The following FRMD6 variants were observed in gnomAD, a reference collection of about 807,000 sequenced individuals.
The protein encoded by FRMD6 is FERM domain containing 6.
A neutral mutation model predicts 73.2 loss-of-function variants in FRMD6; 37 were observed. That is an observed-to-expected ratio of 0.51 (90% CI 0.39 to 0.66). The LOEUF (loss-of-function observed/expected upper bound fraction) is 0.66, where lower values mean the gene tolerates loss of function less well. Ranked by LOEUF, FRMD6 falls within the 30% of genes least tolerant of loss-of-function variation. FRMD6 has a pLI of 0.00. For synonymous variants in FRMD6, 273 were observed against 282.2 expected, an observed-to-expected ratio of 0.97 and a Z score of 0.33; for missense variants, 714 against 780.5, an observed-to-expected ratio of 0.91 and a Z score of 1.02.
chr14:51,723,652 G>A (rs1897762636), intron 12 of FRMD6, among the ~76,000 whole-genome samples: 1 of 151,704 alleles, frequency 6.6e-6, no homozygotes, highest in Non-Finnish European at 1.5e-5. Context: ...CTGCAGGCCT[G>A]TAATCCCAGC....
chr14:51,542,934 C>A (rs1022341830), intron 1 of FRMD6, among the ~76,000 whole-genome samples: 20 of 152,076 alleles, frequency 1.3e-4, no homozygotes, highest in African/African-American at 4.8e-4. Context: ...AAAATTCTAT[C>A]CAGGCCCTGT....
At chr14:51,499,420 T>G (rs1427644704) in intron 1 of FRMD6, among the ~76,000 whole-genome samples, 2 of 152,250 alleles carry the variant, frequency 1.3e-5, no homozygotes, top group Admixed American at 1.3e-4. Flanking sequence ...GGCTAACACT[T>G]ATTCAGAACT....
At chr14:51,723,772 C>CA (rs71443192) in intron 12 of FRMD6, among the ~76,000 whole-genome samples, 42,299 of 138,488 alleles carry the variant, frequency 0.31, 6,855 homozygotes, top group African/African-American at 0.46. Flanking sequence ...GAGACTCTGT[C>CA]AAAAAAAAAA....
the FRMD6 span, among the ~76,000 whole-genome samples, chr14:51,472,115 A>T: frequency 2.4e-4 from 36 of 152,182 alleles, no homozygotes; most frequent in African/African-American, 8.4e-4. Flanking sequence ...TAAATTAAGA[A>T]TATGCATATA....
chr14:51,693,665 T>G (rs1369539474), intron 2 of FRMD6, among the ~76,000 whole-genome samples: 2 of 152,168 alleles, frequency 1.3e-5, no homozygotes, highest in East Asian at 3.8e-4. Flanking sequence ...GAGTGTCAGT[T>G]TACTTTTTAG....
the FRMD6 span, among the ~76,000 whole-genome samples, chr14:51,400,666 T>G: frequency 2.0e-5 from 3 of 152,054 alleles, no homozygotes; most frequent in African/African-American, 4.8e-5. Flanking sequence ...CATAAACAGG[T>G]TTGGGAACAA....
At chr14:51,573,254 C>G (rs905935557) in intron 2 of FRMD6, among the ~76,000 whole-genome samples, 2 of 152,126 alleles carry the variant, frequency 1.3e-5, no homozygotes, top group African/African-American at 4.8e-5. Flanking sequence ...TTGCTGGGTC[C>G]CATAACTAGC....
At chr14:51,611,752 T>C (rs905406871) in intron 2 of FRMD6, among the ~76,000 whole-genome samples, 14 of 152,234 alleles carry the variant, frequency 9.2e-5, no homozygotes, top group South Asian at 6.2e-4. Context: ...GAACTGTTAA[T>C]GCTGTCATAC....
intron 1 of FRMD6, among the ~76,000 whole-genome samples, chr14:51,507,379 A>G (rs1426783037): frequency 6.6e-6 from 1 of 151,782 alleles, no homozygotes; most frequent in African/African-American, 2.4e-5. Flanking sequence ...GTGCTTCCAG[A>G]TCATTCCCCA....
intron 2 of FRMD6, among the ~76,000 whole-genome samples, chr14:51,578,005 G>A (rs1475981544): frequency 6.6e-6 from 1 of 152,078 alleles, no homozygotes; most frequent in African/African-American, 2.4e-5. Context: ...GTTCAGGCAC[G>A]TAAAACACTC....
intron 2 of FRMD6, among the ~76,000 whole-genome samples, chr14:51,611,202 C>A (rs763350706): frequency 6.6e-6 from 1 of 152,034 alleles, no homozygotes; most frequent in Non-Finnish European, 1.5e-5. Context: ...AAGGAAAACA[C>A]GAATGGGAAA....
At chr14:51,644,168 T>C (rs1891943599) in intron 2 of FRMD6, among the ~76,000 whole-genome samples, 1 of 152,108 alleles carries the variant, frequency 6.6e-6, no homozygotes, top group African/African-American at 2.4e-5. Context: ...ACATTGACAC[T>C]TGAAAAAAAT....
chr14:51,456,812 T>C, the FRMD6 span, among the ~76,000 whole-genome samples: 1 of 152,190 alleles, frequency 6.6e-6, no homozygotes, highest in Non-Finnish European at 1.5e-5. Context: ...GGAGTACTAC[T>C]GAGCCAGAAA....
intron 1 of FRMD6, among the ~76,000 whole-genome samples, chr14:51,502,230 C>T (rs145585966): frequency 8.5e-5 from 13 of 152,234 alleles, no homozygotes; most frequent in South Asian, 2.1e-4. Context: ...ATTTTTGCTG[C>T]GGTTGCAATT....
chr14:51,687,907 C>T (rs145983562), intron 1 of FRMD6, among the ~76,000 whole-genome samples: 3 of 152,140 alleles, frequency 2.0e-5, no homozygotes, highest in Non-Finnish European at 4.4e-5. Flanking sequence ...TCTGCTCAGT[C>T]CCTTCCTTCT....
chr14:51,730,162 CAT>C lies in FRMD6; in HGVS notation c.*2136_*2137del, dbSNP rs1898184766. ...TTAAGAAAGAAAGATAAAGAAAAAACATATTTAATTACTGTAAACAGGTACTG... is the reference window on the plus strand; with the variant it reads ...TTAAGAAAGAAAGATAAAGAAAAAACATTTAATTACTGTAAACAGGTACTG... On this transcript the variant is annotated 3_prime_UTR_variant, in exon 14 of 14. Coordinates refer to ENST00000344768, the MANE Select transcript of FRMD6 (RefSeq NM_001267046.2). 6.6e-6 allele frequency: 1 copy of C among 152,106 alleles called. No individual in the cohort carries two copies. 9.4% of individuals were successfully genotyped at this position (152,106 alleles called of 1,614,324 possible). A position where few individuals can be genotyped will look rare whatever the true frequency, so the allele number is the denominator to read the frequency against.
chr14:51,592,620 T>C (rs1889461616), intron 2 of FRMD6, among the ~76,000 whole-genome samples: 1 of 152,224 alleles, frequency 6.6e-6, no homozygotes, highest in African/African-American at 2.4e-5. Context: ...ATTAAAAATT[T>C]AATTTCCCTG....
At chr14:51,416,555 G>A in the FRMD6 span, among the ~76,000 whole-genome samples, 1 of 152,186 alleles carries the variant, frequency 6.6e-6, no homozygotes, top group South Asian at 2.1e-4. Context: ...CATTTGCTGA[G>A]GAGTGCTTTA....
chr14:51,413,862 G>A, the FRMD6 span, among the ~76,000 whole-genome samples: 4 of 152,210 alleles, frequency 2.6e-5, no homozygotes, highest in Non-Finnish European at 5.9e-5. Context: ...TAACTGGTGT[G>A]AGATGGTATC....
Sources: gnomAD v4.1 joint callset for allele counts (sites outside exome capture counted in the v4.1 genomes callset) on GRCh38, gnomAD v4.1.1 for gene constraint, MANE v1.5 for transcripts, NCBI Gene and HGNC (gene_info 2026-07-23, HGNC 2026-07-21) for gene names.